Variants in CTNNA3 observed in about 807,000 individuals in gnomAD.
CTNNA3 encodes catenin alpha 3.
CTNNA3 carries 76 observed loss-of-function variants against 95.7 expected under a neutral mutation model. That is an observed-to-expected ratio of 0.79 (90% CI 0.66 to 0.96). The LOEUF (loss-of-function observed/expected upper bound fraction) is 0.96, where lower values mean the gene tolerates loss of function less well. Among genes scored for constraint, CTNNA3 ranks in the 40% least tolerant of loss-of-function variants. The pLI is 0.00. For missense variants in CTNNA3, 1,191 were observed against 1,089.8 expected, an observed-to-expected ratio of 1.09 and a Z score of -1.31; for synonymous variants, 431 against 374.4, an observed-to-expected ratio of 1.15 and a Z score of -1.74.
chr10:65,920,681 G>A (rs899149984), intron 17 of CTNNA3, 64 bp from the exon 18 acceptor site: 71 of 1,529,558 alleles, frequency 4.6e-5, no homozygotes, highest in East Asian at 6.8e-5. Flanking sequence ...ATTGCCAAGC[G>A]TGGGCATGGT....
chr10:67,000,690 C>T (rs992178428), intron 7 of CTNNA3, among the ~76,000 whole-genome samples: 4 of 152,066 alleles, frequency 2.6e-5, no homozygotes, highest in African/African-American at 9.7e-5. Context: ...TATATGAATT[C>T]AATAGAAGAA....
chr10:66,362,784 C>G (rs1167961455), intron 12 of CTNNA3, among the ~76,000 whole-genome samples: 1 of 151,844 alleles, frequency 6.6e-6, no homozygotes, highest in Non-Finnish European at 1.5e-5. Flanking sequence ...TAGCTTTGCT[C>G]TGAGAGTTCT....
chr10:66,387,181 T>G (rs1040171540), intron 11 of CTNNA3, among the ~76,000 whole-genome samples: 27 of 151,942 alleles, frequency 1.8e-4, no homozygotes, highest in African/African-American at 6.0e-4. Flanking sequence ...GGGAGAAAAT[T>G]TTTGCAATCT....
At chr10:66,514,174 C>G (rs1375002228) in intron 11 of CTNNA3, among the ~76,000 whole-genome samples, 4 of 152,052 alleles carry the variant, frequency 2.6e-5, no homozygotes, top group Non-Finnish European at 2.9e-5. Flanking sequence ...TGGGGCCAAA[C>G]ACATTAAAGG....
intron 5 of CTNNA3, among the ~76,000 whole-genome samples, chr10:67,520,144 A>C (rs1232049345): frequency 6.6e-6 from 1 of 152,234 alleles, no homozygotes; most frequent in Non-Finnish European, 1.5e-5. Flanking sequence ...TTAAAGATTC[A>C]ATTCATAAAT....
At chr10:66,811,092 A>T (rs547682512) in intron 7 of CTNNA3, among the ~76,000 whole-genome samples, 32 of 152,342 alleles carry the variant, frequency 2.1e-4, no homozygotes, top group African/African-American at 7.5e-4. Flanking sequence ...GGTCAAAGTC[A>T]ACAGTAAGTT....
intron 5 of CTNNA3, among the ~76,000 whole-genome samples, chr10:67,399,394 T>C (rs1844835959): frequency 1.3e-5 from 2 of 152,100 alleles, no homozygotes; most frequent in African/African-American, 4.8e-5. Flanking sequence ...TCACATTAAA[T>C]CCCCTAGACT....
chr10:67,320,632 G>A (rs1021429028), intron 5 of CTNNA3, among the ~76,000 whole-genome samples: 6 of 152,182 alleles, frequency 3.9e-5, no homozygotes, highest in African/African-American at 1.4e-4. Flanking sequence ...GGCATAGTAG[G>A]AGTTCAATAA....
chr10:67,574,718 C>G (rs373514249), intron 3 of CTNNA3, among the ~76,000 whole-genome samples: 16 of 151,656 alleles, frequency 1.1e-4, no homozygotes, highest in African/African-American at 3.6e-4. Context: ...CAAGCTGGGA[C>G]TACAGGCACC....
At chr10:66,649,478 C>T (rs544512348) in intron 9 of CTNNA3, among the ~76,000 whole-genome samples, 1 of 152,104 alleles carries the variant, frequency 6.6e-6, no homozygotes, top group Admixed American at 6.5e-5. Flanking sequence ...GTATACAGCA[C>T]GGACACAGAC....
At chr10:66,693,684 A>G (rs907090984) in intron 9 of CTNNA3, among the ~76,000 whole-genome samples, 2 of 152,084 alleles carry the variant, frequency 1.3e-5, no homozygotes, top group African/African-American at 2.4e-5. Flanking sequence ...CACCACACCT[A>G]TTCCAAAATT....
At chr10:66,702,029 A>G (rs1847960099) in intron 9 of CTNNA3, among the ~76,000 whole-genome samples, 2 of 152,176 alleles carry the variant, frequency 1.3e-5, no homozygotes, top group African/African-American at 4.8e-5. Flanking sequence ...GTTTGGCATC[A>G]CAATCATTCT....
chr10:66,741,323 A>G (rs1303522486), intron 9 of CTNNA3, among the ~76,000 whole-genome samples: 3 of 152,176 alleles, frequency 2.0e-5, no homozygotes, highest in Non-Finnish European at 2.9e-5. Context: ...GTATCATTGC[A>G]TAGGGGGCAG....
chr10:66,763,205 T>A (rs1235709158), intron 9 of CTNNA3, among the ~76,000 whole-genome samples: 1 of 152,058 alleles, frequency 6.6e-6, no homozygotes, highest in Non-Finnish European at 1.5e-5. Context: ...ATGTTTGTAG[T>A]AAATTACTGA....
intron 9 of CTNNA3, among the ~76,000 whole-genome samples, chr10:66,713,008 G>GTAT (rs1448766932): frequency 6.6e-6 from 1 of 152,038 alleles, no homozygotes; most frequent in Non-Finnish European, 1.5e-5. Flanking sequence ...TGTGTTACTA[G>GTAT]TATACTAAGA....
intron 7 of CTNNA3, among the ~76,000 whole-genome samples, chr10:67,175,955 A>C (rs1189868121): frequency 6.6e-6 from 1 of 152,154 alleles, no homozygotes; most frequent in African/African-American, 2.4e-5. Flanking sequence ...AAAATTCCTT[A>C]ATTATGTTAT....
chr10:66,358,537 G>A (rs1437058711), intron 12 of CTNNA3, among the ~76,000 whole-genome samples: 1 of 152,092 alleles, frequency 6.6e-6, no homozygotes, highest in Non-Finnish European at 1.5e-5. Flanking sequence ...TTTAACTTGG[G>A]TTGGTGCCAC....
intron 11 of CTNNA3, among the ~76,000 whole-genome samples, chr10:66,508,890 G>C (rs1178929174): frequency 6.6e-6 from 1 of 151,992 alleles, no homozygotes. Context: ...CCCTTCTTTG[G>C]GATAGATTCC....
chr10:66,386,280 A>G (rs2132513302), intron 11 of CTNNA3, among the ~76,000 whole-genome samples: 1 of 152,316 alleles, frequency 6.6e-6, no homozygotes, highest in African/African-American at 2.4e-5. Flanking sequence ...CAAAAATCAC[A>G]AGCATTCCTA....
Sources: allele counts gnomAD v4.1 joint callset (sites outside exome capture counted in the v4.1 genomes callset), GRCh38; gene constraint gnomAD v4.1.1; transcripts MANE v1.5; gene names NCBI Gene and HGNC (gene_info 2026-07-23, HGNC 2026-07-21).